Variants in CASQ1 observed in about 807,000 individuals in gnomAD.
The protein encoded by CASQ1 is calsequestrin-1.
In CASQ1, 40 loss-of-function variants were observed where a neutral mutation model predicts 49.5. The ratio of observed to expected loss-of-function variants is 0.81; its 90% CI spans 0.63 to 1.05. CASQ1 has a LOEUF of 1.05. Among genes scored for constraint, CASQ1 ranks in the 50% least tolerant of loss-of-function variants. The probability of loss-of-function intolerance (pLI) is 0.00; values close to 1 mark genes in which losing one functional copy is unlikely to be tolerated. For synonymous variants in CASQ1, 174 were observed against 187.2 expected, an observed-to-expected ratio of 0.93 and a Z score of 0.58; for missense variants, 469 against 486.9, an observed-to-expected ratio of 0.96 and a Z score of 0.35.
intron 6 of CASQ1, among the ~76,000 whole-genome samples, chr1:160,197,290 T>C (rs1654265831): frequency 6.6e-6 from 1 of 152,218 alleles, no homozygotes; most frequent in Non-Finnish European, 1.5e-5. Flanking sequence ...AGTGAGTGAA[T>C]GAATGAATAA....
chr1:160,193,109 A>G (rs765958557), intron 2 of CASQ1, among the ~76,000 whole-genome samples: 2 of 152,134 alleles, frequency 1.3e-5, no homozygotes, highest in Admixed American at 1.3e-4. Flanking sequence ...AATCCCAGAA[A>G]GAGGTGGGGG....
chr1:160,191,396 C>A (rs1052518002), intron 1 of CASQ1, among the ~76,000 whole-genome samples: 1 of 152,128 alleles, frequency 6.6e-6, no homozygotes, highest in African/African-American at 2.4e-5. Context: ...ACTCCCCTAC[C>A]CCACCCATCT....
rs1262637757 is a variant in CASQ1, at chr1:160,201,482, A to T, written c.*106A>T. On this transcript the variant is annotated 3_prime_UTR_variant, in exon 11 of 11. Coordinates refer to ENST00000368078, the MANE Select transcript of CASQ1 (RefSeq NM_001231.5). ...CAGGGAGACTAGGTTATTCTCTGCCATAGAGCTAACTGGGGTCTATATGCT... is the reference window on the plus strand; with the variant it reads ...CAGGGAGACTAGGTTATTCTCTGCCTTAGAGCTAACTGGGGTCTATATGCT... 4 of 1,256,632 alleles carry T rather than the reference A, an allele frequency of 3.2e-6. No homozygotes were observed. In the African/African-American group the frequency reaches 5.9e-5, roughly 19 times the overall value. 77.8% of individuals were successfully genotyped at this position (1,256,632 alleles called of 1,614,324 possible). A position where few individuals can be genotyped will look rare whatever the true frequency, so the allele number is the denominator to read the frequency against.
chr1:160,192,248 G>A (rs749322861), intron 1 of CASQ1, among the ~76,000 whole-genome samples: 1 of 152,016 alleles, frequency 6.6e-6, no homozygotes, highest in Non-Finnish European at 1.5e-5. Context: ...CTCCCTCTGG[G>A]GGGTAACAAA....
chr1:160,196,581 G>T (rs371777540), intron 6 of CASQ1, among the ~76,000 whole-genome samples: 93 of 151,548 alleles, frequency 6.1e-4, no homozygotes, highest in Non-Finnish European at 1.3e-3. Context: ...AGGTTCAAGC[G>T]ATTCTCCTTC....
chr1:160,195,329 C>A, intron 4 of CASQ1, 132 bp from the exon 5 acceptor site: 1 of 856,834 alleles, frequency 1.2e-6, no homozygotes, highest in Non-Finnish European at 1.9e-6. Context: ...ACCTTCCCCT[C>A]ACTCTCGAAG....
At chr1:160,195,166 C>T (rs751961878) in intron 4 of CASQ1, 43 bp downstream of exon 4, 2 of 1,251,402 alleles carry the variant, frequency 1.6e-6, no homozygotes, top group Admixed American at 1.8e-5. Context: ...TCTGGATCCC[C>T]ATCTCACCTG....
Position 160,197,628 on chromosome 1 carries a change from GC to G in CASQ1, c.828+16del. ...TATGAGACCTGGGTGAGTGCCCCTGGCCAGGGTCAAGCCCTCAGGGAAGCAT... is the reference window on the plus strand; with the variant it reads ...TATGAGACCTGGGTGAGTGCCCCTGGCAGGGTCAAGCCCTCAGGGAAGCAT... On this transcript the variant is annotated intron_variant, in intron 7 of 10. Transcript: ENST00000368078. The G allele has an allele frequency of 6.3e-7, 1 of 1,594,094 alleles. No homozygotes were observed. The highest frequency in any genetic ancestry group is 2.2e-5 in the East Asian group (1 of 44,818).
In CASQ1 at chr1:160,195,115, ACTCAGAGCGTGGGTAACC is replaced by A; in HGVS notation, c.576_577+16del. The A allele has an allele frequency of 6.2e-7, 1 of 1,604,088 alleles. No homozygotes were observed. The highest frequency in any genetic ancestry group is 1.7e-5 in the Admixed American group (1 of 59,534). On this transcript the variant is annotated splice_donor_variant and splice_donor_5th_base_variant and coding_sequence_variant and intron_variant, in exon 4 of 11. Coordinates refer to ENST00000368078, the MANE Select transcript of CASQ1 (RefSeq NM_001231.5). LOFTEE classifies it high-confidence loss of function. ...CTCATTGGCTACTTCAAGAGCAAAG[ACTCAGAGCGTGGGTAACC>A]CTCAGACTCCACTGTGCCCCTCTCT...
chr1:160,193,736 T>A lies in CASQ1; in HGVS notation c.365-11T>A, dbSNP rs369644723. On this transcript the variant is annotated splice_polypyrimidine_tract_variant and intron_variant, in intron 2 of 10. Transcript: ENST00000368078. ...TCACTACCCCACCCCTGCGCCCGGC[T>A]CACTCCCTAGGCCTAACTGAAGTGG... The A allele has an allele frequency of 6.5e-6, 10 of 1,532,984 alleles. No homozygotes were observed. In the Admixed American group the frequency reaches 1.8e-4, roughly 27 times the overall value. The allele number at this position is 1,532,984 out of a possible 1,614,324, so 95.0% of individuals were successfully genotyped here.
In CASQ1 at chr1:160,198,747, C is replaced by T. The variant is rs1413265666; in HGVS notation, c.883+16C>T. 4 of 1,609,844 alleles carry T rather than the reference C, an allele frequency of 2.5e-6. No individual in the cohort carries two copies. The highest frequency in any genetic ancestry group is 3.4e-6 in the Non-Finnish European group (4 of 1,176,334). On this transcript the variant is annotated intron_variant, in intron 8 of 10. Transcript: ENST00000368078. Reference sequence around the variant, plus strand: ...GCTGATCCTGGTGAGGGAGGAATACCGGGTTGGACTGGAGGGAAGGCAGGG... The same window carrying T: ...GCTGATCCTGGTGAGGGAGGAATACTGGGTTGGACTGGAGGGAAGGCAGGG...
chr1:160,193,172 A>G (rs1371787753), intron 2 of CASQ1, among the ~76,000 whole-genome samples: 2 of 152,012 alleles, frequency 1.3e-5, no homozygotes, highest in Non-Finnish European at 2.9e-5. Flanking sequence ...AGGGAAGGGG[A>G]GTCGGGGAAT....
chr1:160,201,412 T>C lies in CASQ1; in HGVS notation c.*36T>C, dbSNP rs772567226. 1.9e-6 allele frequency: 3 copies of C among 1,610,178 alleles called. No homozygotes were observed. Among genetic ancestry groups the C allele is most frequent in the Non-Finnish European group, 2.5e-6 (3 of 1,177,536 alleles). On this transcript the variant is annotated 3_prime_UTR_variant, in exon 11 of 11. Coordinates refer to ENST00000368078, the MANE Select transcript of CASQ1 (RefSeq NM_001231.5). Reference sequence around the variant, plus strand: ...AACCATCTTTCAGCCCCACTGGTCTTTTCATGCTCTCTCCTGCCTTCCCTT... The same window carrying C: ...AACCATCTTTCAGCCCCACTGGTCTCTTCATGCTCTCTCCTGCCTTCCCTT...
intron 7 of CASQ1, among the ~76,000 whole-genome samples, chr1:160,198,051 C>T (rs1654285750): frequency 6.6e-6 from 1 of 151,858 alleles, no homozygotes; most frequent in African/African-American, 2.4e-5. Flanking sequence ...CTAGCAGCAA[C>T]TGAAAGATTT....
chr1:160,191,205 CAG>C (rs1654068570), intron 1 of CASQ1, among the ~76,000 whole-genome samples, 175 bp downstream of exon 1: 2 of 152,152 alleles, frequency 1.3e-5, no homozygotes, highest in African/African-American at 2.4e-5. Flanking sequence ...AAATGAGAAA[CAG>C]AGTCTCAGGA....
chr1:160,197,709 C>T (rs1654274940), intron 7 of CASQ1, 95 bp downstream of exon 7: 2 of 876,276 alleles, frequency 2.3e-6, no homozygotes, highest in Admixed American at 3.6e-5. Flanking sequence ...TCCTCAGGCC[C>T]ATTTTTAGAA....
chr1:160,197,968 G>A (rs577995228), intron 7 of CASQ1, among the ~76,000 whole-genome samples: 11 of 151,672 alleles, frequency 7.3e-5, no homozygotes, highest in Admixed American at 5.2e-4. Flanking sequence ...GCAGTGATCC[G>A]CCACTGCACA....
chr1:160,201,509 G>C lies in CASQ1; in HGVS notation c.*133G>C, dbSNP rs1276986671. ...AGAGCTAACTGGGGTCTATATGCTG[G>C]GTGCTGAGACACTGATCCCCCTCAT... On this transcript the variant is annotated 3_prime_UTR_variant, in exon 11 of 11. Transcript: ENST00000368078. 5.4e-6 allele frequency: 5 copies of C among 922,126 alleles called. No homozygotes were observed. In the African/African-American group the frequency reaches 6.5e-5, roughly 12 times the overall value. 57.1% of individuals were successfully genotyped at this position (922,126 alleles called of 1,614,324 possible).
chr1:160,198,110 T>C, intron 7 of CASQ1: 1 of 161,528 alleles, frequency 6.2e-6, no homozygotes, highest in Non-Finnish European at 1.4e-5. Flanking sequence ...TAATTGAAGA[T>C]GACAAGGGAA....
Sources: allele counts gnomAD v4.1 joint callset (sites outside exome capture counted in the v4.1 genomes callset), GRCh38; gene constraint gnomAD v4.1.1; transcripts MANE v1.5; gene names NCBI Gene and HGNC (gene_info 2026-07-23, HGNC 2026-07-21).